Variants in NUMB observed in about 807,000 individuals in gnomAD.
NUMB encodes the protein protein numb homolog.
A neutral mutation model predicts 59.7 loss-of-function variants in NUMB; 29 were observed. The ratio of observed to expected loss-of-function variants is 0.49; its 90% CI spans 0.36 to 0.66. The LOEUF (loss-of-function observed/expected upper bound fraction) is 0.66, where lower values mean the gene tolerates loss of function less well. Among genes scored for constraint, NUMB ranks in the 30% least tolerant of loss-of-function variants. NUMB has a pLI of 0.00. For missense variants in NUMB, 723 were observed against 822.0 expected (o/e 0.88, Z 1.47); for synonymous variants, 288 against 288.2 (o/e 1.00, Z 0.01).
At chr14:73,352,708 T>TC (rs540918373) in intron 4 of NUMB, among the ~76,000 whole-genome samples, 1 of 146,324 alleles carries the variant, frequency 6.8e-6, no homozygotes, top group Admixed American at 6.8e-5. Flanking sequence ...CTAATTTTTT[T>TC]TTTTTTTGTA....
intron 1 of NUMB, among the ~76,000 whole-genome samples, chr14:73,436,386 G>A (rs60491961): frequency 0.058 from 8,883 of 152,070 alleles, 724 homozygotes; most frequent in African/African-American, 0.19. Context: ...GCGTGATCTC[G>A]GCTCACTGCA....
chr14:73,350,556 T>C (rs1240802311), intron 4 of NUMB, among the ~76,000 whole-genome samples: 1 of 145,590 alleles, frequency 6.9e-6, no homozygotes, highest in Non-Finnish European at 1.5e-5. Context: ...CTTTTTTTTC[T>C]TTTTTTTTTG....
intron 1 of NUMB, among the ~76,000 whole-genome samples, chr14:73,452,762 CCTT>C (rs994130756): frequency 2.6e-5 from 4 of 152,188 alleles, no homozygotes; most frequent in African/African-American, 9.7e-5. Context: ...ATAAGAAGAG[CCTT>C]CTTCTAAATC....
intron 6 of NUMB, among the ~76,000 whole-genome samples, chr14:73,307,573 G>C (rs1890520747): frequency 6.6e-6 from 1 of 152,004 alleles, no homozygotes; most frequent in Non-Finnish European, 1.5e-5. Flanking sequence ...CTGGAACAGA[G>C]GGAGCAAGAG....
chr14:73,333,197 C>T (rs528562637), intron 4 of NUMB, among the ~76,000 whole-genome samples: 2 of 152,278 alleles, frequency 1.3e-5, no homozygotes, highest in South Asian at 4.1e-4. Context: ...TACATTCCCA[C>T]CAGCAATGTA....
At chr14:73,420,277 A>T (rs894366094) in intron 1 of NUMB, among the ~76,000 whole-genome samples, 6 of 152,240 alleles carry the variant, frequency 3.9e-5, no homozygotes. Flanking sequence ...TCTATAAGCA[A>T]AGGAAAGCCA....
At chr14:73,446,074 G>A (rs1436155948) in intron 1 of NUMB, among the ~76,000 whole-genome samples, 1 of 148,874 alleles carries the variant, frequency 6.7e-6, no homozygotes. Context: ...TCAGCCTACT[G>A]CAACCTCCAC....
chr14:73,355,515 G>A (rs1893736755), intron 4 of NUMB, 111 bp downstream of exon 4: 1 of 857,784 alleles, frequency 1.2e-6, no homozygotes, highest in East Asian at 2.9e-5. Flanking sequence ...AGAATGTGAA[G>A]GGATTTGTTT....
chr14:73,285,196 T>C (rs2139811695), intron 9 of NUMB: 1 of 152,306 alleles, frequency 6.6e-6, no homozygotes, highest in South Asian at 2.1e-4. Flanking sequence ...AATAAAAGCA[T>C]GCAGTAGTAA....
chr14:73,282,577 G>A (rs1594857794), intron 10 of NUMB, 72 bp from the exon 11 acceptor site: 1 of 1,506,554 alleles, frequency 6.6e-7, no homozygotes, highest in East Asian at 2.3e-5. Context: ...TATGATGCAA[G>A]CTGGCACTTT....
intron 4 of NUMB, among the ~76,000 whole-genome samples, chr14:73,346,950 T>C (rs1892951553): frequency 6.6e-6 from 1 of 152,174 alleles, no homozygotes; most frequent in South Asian, 2.1e-4. Context: ...CTCAAGTAGT[T>C]CCCATCTTAA....
At chr14:73,408,145 T>C (rs978787113) in intron 2 of NUMB, among the ~76,000 whole-genome samples, 1 of 151,650 alleles carries the variant, frequency 6.6e-6, no homozygotes, top group Non-Finnish European at 1.5e-5. Flanking sequence ...GAGAATGGCA[T>C]GAACCTGGGA....
intron 1 of NUMB, among the ~76,000 whole-genome samples, chr14:73,432,202 AT>A (rs1897862559): frequency 6.6e-6 from 1 of 152,128 alleles, no homozygotes; most frequent in Non-Finnish European, 1.5e-5. Flanking sequence ...GTTAGGAGAG[AT>A]TTGAAAGAAT....
At chr14:73,436,066 T>C (rs1898042110) in intron 1 of NUMB, among the ~76,000 whole-genome samples, 1 of 152,020 alleles carries the variant, frequency 6.6e-6, no homozygotes, top group Non-Finnish European at 1.5e-5. Flanking sequence ...CAAAGTGTAG[T>C]ATATTCATAA....
At chr14:73,278,343 C>CA (rs1178860762) in intron 12 of NUMB, among the ~76,000 whole-genome samples, 1 of 151,286 alleles carries the variant, frequency 6.6e-6, no homozygotes, top group Non-Finnish European at 1.5e-5. Flanking sequence ...AACATGGTGA[C>CA]ACCCCATTTC....
intron 10 of NUMB, among the ~76,000 whole-genome samples, chr14:73,282,736 A>G (rs543500548): frequency 9.8e-5 from 15 of 152,326 alleles, no homozygotes; most frequent in South Asian, 8.3e-4. Context: ...ACTAAGGCAC[A>G]TCTTCCTCCC....
intron 3 of NUMB, among the ~76,000 whole-genome samples, chr14:73,366,538 C>T (rs749524341): frequency 1.3e-5 from 2 of 152,014 alleles, no homozygotes; most frequent in Non-Finnish European, 2.9e-5. Flanking sequence ...TTACAATAAC[C>T]CTGTCAGGTG....
At chr14:73,350,066 T>TACACAC (rs1161769200) in intron 4 of NUMB, among the ~76,000 whole-genome samples, 1 of 103,618 alleles carries the variant, frequency 9.7e-6, no homozygotes, top group African/African-American at 5.2e-5. Flanking sequence ...CATATATACA[T>TACACAC]ACATACATAC....
At chr14:73,395,055 G>A (rs972890036) in intron 2 of NUMB, among the ~76,000 whole-genome samples, 16 of 136,908 alleles carry the variant, frequency 1.2e-4, no homozygotes, top group Middle Eastern at 6.9e-3. Context: ...GTGTGTGTGT[G>A]TGTGTGTGTG....
Sources: gnomAD v4.1 joint callset for allele counts (sites outside exome capture counted in the v4.1 genomes callset) on GRCh38, gnomAD v4.1.1 for gene constraint, MANE v1.5 for transcripts, NCBI Gene and HGNC (gene_info 2026-07-23, HGNC 2026-07-21) for gene names.